UBP1: variants seen among roughly 807,000 people sequenced by gnomAD.
The protein encoded by UBP1 is upstream-binding protein 1.
Under a neutral mutation model 76.1 loss-of-function variants are expected in UBP1, and 22 were observed. The observed-to-expected ratio is 0.29, with a 90% CI of 0.21 to 0.41. The LOEUF is 0.41. Ranked by LOEUF, UBP1 falls within the 10% of genes least tolerant of loss-of-function variation. The pLI, the probability that UBP1 is intolerant of heterozygous loss-of-function variation, is 1.00. For missense variants in UBP1, 436 were observed against 668.1 expected (o/e 0.65, Z 3.83); for synonymous variants, 224 against 237.1 (o/e 0.94, Z 0.51).
At chr3:33,405,773 A>G (rs1365110636) in intron 8 of UBP1, among the ~76,000 whole-genome samples, 1 of 152,188 alleles carries the variant, frequency 6.6e-6, no homozygotes, top group Admixed American at 6.5e-5. Context: ...AAAAAATTTA[A>G]AAATTATTTT....
chr3:33,424,186 TC>T (rs1329944896), intron 2 of UBP1, among the ~76,000 whole-genome samples: 1 of 152,236 alleles, frequency 6.6e-6, no homozygotes, highest in African/African-American at 2.4e-5. Flanking sequence ...TTATTAAGGT[TC>T]TTTCAAATAT....
Position 33,389,086 on chromosome 3 carries a change from C to T in UBP1, c.*1245G>A, listed in dbSNP as rs112813048. ...TTCTGGGAAGGTTTTGGATGAAGGA[C>T]GGAGATATGGGAGGAAAGTGAGAAA... On this transcript the variant is annotated 3_prime_UTR_variant, in exon 16 of 16. Transcript: ENST00000283629. The T allele has an allele frequency of 3.0e-4, 46 of 152,550 alleles. No individual in the cohort carries two copies. The highest frequency in any genetic ancestry group is 5.8e-4 in the East Asian group (3 of 5,174). 9.4% of individuals were successfully genotyped at this position (152,550 alleles called of 1,614,324 possible).
intron 7 of UBP1, 83 bp downstream of exon 7, chr3:33,409,153 C>A: frequency 7.4e-7 from 1 of 1,348,120 alleles, no homozygotes; most frequent in South Asian, 1.3e-5. Context: ...TTCCCCAACC[C>A]TTTTGTAGCA....
At chr3:33,411,351 T>C (rs1193906051) in intron 5 of UBP1, among the ~76,000 whole-genome samples, 1 of 152,200 alleles carries the variant, frequency 6.6e-6, no homozygotes, top group Non-Finnish European at 1.5e-5. Context: ...GGACTACTAG[T>C]GGTAAAAATA....
rs117270070 is a variant in UBP1, at chr3:33,438,166, G to A, written c.113+1570C>T. Among the ~76,000 whole-genome samples the A allele has an allele frequency of 6.6e-5, 10 of 152,308 alleles. No individual in the cohort carries two copies. The East Asian group carries it at 1.9e-3, about 29-fold the overall frequency. On this transcript the variant is annotated intron_variant, in intron 1 of 15. Transcript: ENST00000283629. ...TTTTCATGGAAATAAACCATACACA[G>A]AAGTTATTACATTAATAAGTTGGCT...
chr3:33,412,901 T>C, intron 3 of UBP1, 74 bp from the exon 4 acceptor site: 1 of 932,676 alleles, frequency 1.1e-6, no homozygotes, highest in Non-Finnish European at 1.8e-6. Context: ...CTACTTCTTA[T>C]GTGTTAACCT....
chr3:33,434,441 G>A (rs1287700412), intron 1 of UBP1, among the ~76,000 whole-genome samples: 3 of 151,320 alleles, frequency 2.0e-5, no homozygotes, highest in Non-Finnish European at 4.4e-5. Flanking sequence ...GCGATTACAC[G>A]CATGCGCTAC....
intron 1 of UBP1, among the ~76,000 whole-genome samples, chr3:33,438,574 T>TG (rs1445860103): frequency 6.6e-6 from 1 of 151,934 alleles, no homozygotes; most frequent in Admixed American, 6.6e-5. Flanking sequence ...AGAGAAGAGG[T>TG]GCCAAGTTCA....
intron 1 of UBP1, among the ~76,000 whole-genome samples, chr3:33,426,008 T>TAC (rs1234460115): frequency 2.4e-5 from 2 of 81,790 alleles, no homozygotes; most frequent in African/African-American, 4.6e-5. Flanking sequence ...TATATATATA[T>TAC]ATATATATAT....
chr3:33,440,429 C>G (rs1360212665), upstream of UBP1: 1 of 152,342 alleles, frequency 6.6e-6, no homozygotes, highest in Admixed American at 6.5e-5. Flanking sequence ...CCGCCCCGAC[C>G]CCGCCCCGGC....
chr3:33,400,302 A>G lies in UBP1; in HGVS notation c.1087-20T>C, dbSNP rs1276294048. ...AATTTGCTATTAACAATGAAAATGA[A>G]CATAAATAAAAGGAACCATTCAGAC... On this transcript the variant is annotated intron_variant, in intron 10 of 15. Coordinates refer to ENST00000283629, the MANE Select transcript of UBP1 (RefSeq NM_014517.5). 1 of 1,568,072 alleles carries G rather than the reference A, an allele frequency of 6.4e-7. No individual in the cohort carries two copies. Among genetic ancestry groups the G allele is most frequent in the Admixed American group, 1.9e-5 (1 of 52,270 alleles).
chr3:33,406,776 C>A (rs2044439649), intron 8 of UBP1, among the ~76,000 whole-genome samples: 1 of 152,170 alleles, frequency 6.6e-6, no homozygotes, highest in Non-Finnish European at 1.5e-5. Context: ...CACAGTCCCT[C>A]CCCAGGTAAA....
intron 2 of UBP1, among the ~76,000 whole-genome samples, chr3:33,419,713 T>C (rs538060819): frequency 1.3e-5 from 2 of 152,198 alleles, no homozygotes; most frequent in Non-Finnish European, 2.9e-5. Flanking sequence ...GAAACTATTA[T>C]ATTCTTCAAT....
At chr3:33,406,989 T>C (rs1243575118) in intron 8 of UBP1, among the ~76,000 whole-genome samples, 5 of 152,240 alleles carry the variant, frequency 3.3e-5, no homozygotes, top group African/African-American at 1.2e-4. Flanking sequence ...TATCCCTTTT[T>C]ACTGAAAGCC....
intron 1 of UBP1, among the ~76,000 whole-genome samples, chr3:33,436,054 T>A (rs2045199540): frequency 6.6e-6 from 1 of 152,246 alleles, no homozygotes; most frequent in South Asian, 2.1e-4. Flanking sequence ...CTACCCTTGC[T>A]AATCTTGTAC....
chr3:33,439,167 G>A (rs917946830), intron 1 of UBP1, among the ~76,000 whole-genome samples: 4 of 152,144 alleles, frequency 2.6e-5, no homozygotes, highest in Non-Finnish European at 5.9e-5. Flanking sequence ...AGCCTGAGAG[G>A]GTAGTCTCCA....
chr3:33,420,190 G>GA (rs1444150949), intron 2 of UBP1, among the ~76,000 whole-genome samples: 1 of 152,124 alleles, frequency 6.6e-6, no homozygotes, highest in Non-Finnish European at 1.5e-5. Flanking sequence ...TTAGTAACAT[G>GA]AACTGAAACT....
Position 33,439,741 on chromosome 3 carries a change from G to A in UBP1, c.108C>T (p.Ser36=), listed in dbSNP as rs1373016745. 6.2e-7 allele frequency: 1 copy of A among 1,612,088 alleles called. No homozygotes were observed. The change falls in exon 1 of 16, where the codon AGC becomes AGT. Residue 36 remains serine, a synonymous_variant. Coordinates refer to ENST00000283629, the MANE Select transcript of UBP1 (RefSeq NM_014517.5). ...CCGCCCAGGGAGCCCAGTACCTCATGCTGTAAGCGCCGGCGCCCAGTTCCT... is the reference window on the plus strand; with the variant it reads ...CCGCCCAGGGAGCCCAGTACCTCATACTGTAAGCGCCGGCGCCCAGTTCCT... ...IGQELGAGAY[S]MSDVLALPIF... is the part of the protein sequence containing the mutation.
chr3:33,402,770 C>T, intron 9 of UBP1, 31 bp downstream of exon 9: 1 of 1,452,122 alleles, frequency 6.9e-7, no homozygotes, highest in Non-Finnish European at 9.2e-7. Context: ...CATTAGTTAG[C>T]TGCAGGCACA....
Sources: allele counts gnomAD v4.1 joint callset (sites outside exome capture counted in the v4.1 genomes callset), GRCh38; gene constraint gnomAD v4.1.1; transcripts MANE v1.5; gene names NCBI Gene and HGNC (gene_info 2026-07-23, HGNC 2026-07-21).